DISP3: variants seen among roughly 807,000 people sequenced by gnomAD.
The protein encoded by DISP3 is protein dispatched homolog 3.
A neutral mutation model predicts 135.3 loss-of-function variants in DISP3; 101 were observed. That is an observed-to-expected ratio of 0.75 (90% CI 0.64 to 0.88). The LOEUF is 0.88. Ranked by LOEUF, DISP3 falls within the 40% of genes least tolerant of loss-of-function variation. The pLI, the probability that DISP3 is intolerant of heterozygous loss-of-function variation, is 0.00. For synonymous variants in DISP3, 856 were observed against 817.0 expected, an observed-to-expected ratio of 1.05 and a Z score of -0.81; for missense variants, 1,713 against 1,878.6, an observed-to-expected ratio of 0.91 and a Z score of 1.63.
chr1:11,532,695 G>A, intron 17 of DISP3, among the ~76,000 whole-genome samples: 1 of 152,030 alleles, frequency 6.6e-6, no homozygotes. Flanking sequence ...ATCTTAACCG[G>A]TTTTTTTGTT....
At position 11,519,301 on chromosome 1, in the gene DISP3, T is replaced by A. The variant is rs199949410; in HGVS notation, c.1890-54T>A. On this transcript the variant is annotated intron_variant, in intron 7 of 20. Transcript: ENST00000294484. The surrounding 1 kb of genome is among the most constrained non-coding windows in gnomAD (Gnocchi z 4.3). Reference sequence around the variant, plus strand: ...TGATCCTCAGGGCCCTGCCCCACCCTCCCTGGGTACCCAGGACCCTCTGGT... The same window carrying A: ...TGATCCTCAGGGCCCTGCCCCACCCACCCTGGGTACCCAGGACCCTCTGGT... The A allele has an allele frequency of 1.2e-3, 1,877 of 1,526,278 alleles. 1 individual carries two copies. Among genetic ancestry groups the A allele is most frequent in the Admixed American group, 1.8e-3 (105 of 57,984 alleles). The allele number at this position is 1,526,278 out of a possible 1,614,324, so 94.5% of individuals were successfully genotyped here.
rs193004306 is a variant in DISP3 at position 11,524,165 on chromosome 1, G to A, written c.2476+110G>A. ...TGGATTCTCCTTCAAGAAGGAGATTGTGTGTTCCTGGTCACTGCAGAGGAG... is the reference window on the plus strand; with the variant it reads ...TGGATTCTCCTTCAAGAAGGAGATTATGTGTTCCTGGTCACTGCAGAGGAG... On this transcript the variant is annotated intron_variant, in intron 11 of 20. Coordinates refer to ENST00000294484, the MANE Select transcript of DISP3 (RefSeq NM_020780.2). The A allele has an allele frequency of 2.4e-5, 20 of 843,010 alleles. No homozygotes were observed. In the East Asian group the frequency reaches 4.7e-4, roughly 20 times the overall value. 52.2% of individuals were successfully genotyped at this position (843,010 alleles called of 1,614,324 possible).
In DISP3 at chr1:11,536,734, G is replaced by A. The variant is rs577880150; in HGVS notation, c.*48G>A. ...TGCACCTTTGGTCCCATGGGTGGGG[G>A]ACAGGAGCTGCTTCCCAGCTCGACT... On this transcript the variant is annotated 3_prime_UTR_variant, in exon 21 of 21. Coordinates refer to ENST00000294484, the MANE Select transcript of DISP3 (RefSeq NM_020780.2). This position sits in a 1 kb window ranked among gnomAD's most constrained non-coding sequence, Gnocchi z 4.3. 2.0e-6 allele frequency: 3 copies of A among 1,465,834 alleles called. No homozygotes were observed. The highest frequency in any genetic ancestry group is 2.7e-6 in the Non-Finnish European group (3 of 1,112,362). The allele number at this position is 1,465,834 out of a possible 1,614,324, so 90.8% of individuals were successfully genotyped here. A position where few individuals can be genotyped will look rare whatever the true frequency, so the allele number is the denominator to read the frequency against.
intron 2 of DISP3, 24 bp downstream of exon 2, chr1:11,502,112 G>C: frequency 1.3e-6 from 2 of 1,532,752 alleles, no homozygotes; most frequent in Admixed American, 2.1e-5. Context: ...ATGCTGGGAG[G>C]GGGCGTAGGT....
chr1:11,493,903 TTA>T (rs1641258419), intron 1 of DISP3, among the ~76,000 whole-genome samples: 3 of 152,188 alleles, frequency 2.0e-5, no homozygotes, highest in Admixed American at 2.0e-4. Context: ...GAGACTTCCT[TTA>T]CATCATGCCC....
At chr1:11,513,995 G>C (rs1641930300) in intron 3 of DISP3, among the ~76,000 whole-genome samples, 1 of 151,428 alleles carries the variant, frequency 6.6e-6, no homozygotes, top group Non-Finnish European at 1.5e-5. Context: ...AGGACACATT[G>C]AATAGCAGTG....
chr1:11,533,313 T>G (rs911289779), intron 17 of DISP3, among the ~76,000 whole-genome samples: 2 of 150,414 alleles, frequency 1.3e-5, no homozygotes, highest in Non-Finnish European at 1.5e-5. Context: ...TGGAGTGCAG[T>G]TGCGCAATCT....
intron 1 of DISP3, among the ~76,000 whole-genome samples, chr1:11,480,676 T>TACACAC (rs1640876397): frequency 1.4e-4 from 7 of 49,606 alleles, no homozygotes; most frequent in African/African-American, 6.2e-4. Context: ...AGCGCGCGCG[T>TACACAC]GCACACACAC....
chr1:11,480,454 C>T (rs990189576), intron 1 of DISP3, among the ~76,000 whole-genome samples: 2 of 152,152 alleles, frequency 1.3e-5, no homozygotes, highest in African/African-American at 2.4e-5. Context: ...CGCAGACCCA[C>T]GGTTCACACG....
chr1:11,481,038 TTC>T (rs368929945), intron 1 of DISP3, among the ~76,000 whole-genome samples: 203 of 128,906 alleles, frequency 1.6e-3, no homozygotes, highest in Middle Eastern at 4.4e-3. Context: ...TCCCCCAGGT[TTC>T]TCTCTCTCTC....
chr1:11,524,053 AG>A lies in DISP3; in HGVS notation c.2476+1del. The A allele has an allele frequency of 6.2e-7, 1 of 1,603,858 alleles. No homozygotes were observed. The highest frequency in any genetic ancestry group is 8.5e-7 in the Non-Finnish European group (1 of 1,171,594). On this transcript the variant is annotated frameshift_variant and splice_region_variant, in exon 11 of 21. Transcript: ENST00000294484. LOFTEE classifies it high-confidence loss of function. Reference sequence around the variant, plus strand: ...GCTAGCCGGCCTGAGGCCACCCTGCAGGGTGAGCACTGGGGGTGGAGGGTGG... The same window carrying A: ...GCTAGCCGGCCTGAGGCCACCCTGCAGGTGAGCACTGGGGGTGGAGGGTGG... ...PWASRPEATL[Q>X]DFPGTVYISK...
Position 11,531,518 on chromosome 1 carries a change from G to C in DISP3, c.3230-47G>C. ...GCACAGGTGTGATGCAGGGGGACAG[G>C]CTCTTCCAGGGCCACCACGCACTCC... On this transcript the variant is annotated intron_variant, in intron 16 of 20. Transcript: ENST00000294484. The surrounding 1 kb of genome is among the most constrained non-coding windows in gnomAD (Gnocchi z 5.2). 6.2e-7 allele frequency: 1 copy of C among 1,612,394 alleles called. No individual in the cohort carries two copies. Among genetic ancestry groups the C allele is most frequent in the Non-Finnish European group, 8.5e-7 (1 of 1,179,512 alleles).
intron 20 of DISP3, 21 bp downstream of exon 20, chr1:11,535,665 A>G: frequency 6.2e-7 from 1 of 1,600,662 alleles, no homozygotes; most frequent in Non-Finnish European, 8.5e-7. Flanking sequence ...TGCCCGCCTT[A>G]CCCACTTCCC....
intron 10 of DISP3, among the ~76,000 whole-genome samples, chr1:11,523,193 G>T (rs1362661179): frequency 2.0e-5 from 3 of 152,232 alleles, no homozygotes; most frequent in East Asian, 3.9e-4. Context: ...CCTCAGGATG[G>T]CTGTGAGGAT....
intron 1 of DISP3, among the ~76,000 whole-genome samples, chr1:11,480,683 A>G (rs1470336899): frequency 2.3e-3 from 142 of 61,246 alleles, no homozygotes; most frequent in African/African-American, 8.5e-3. Context: ...GCGTGCACAC[A>G]CACACACACA....
At chr1:11,495,944 A>G (rs949114379) in intron 1 of DISP3, among the ~76,000 whole-genome samples, 33 of 152,218 alleles carry the variant, frequency 2.2e-4, no homozygotes, top group African/African-American at 8.0e-4. Flanking sequence ...ATACACACAT[A>G]TTCTATTTTT....
rs1642120573 is a variant in DISP3, at chr1:11,519,675, G to C, written c.2039-44G>C. On this transcript the variant is annotated intron_variant, in intron 8 of 20. Coordinates refer to ENST00000294484, the MANE Select transcript of DISP3 (RefSeq NM_020780.2). This position sits in a 1 kb window ranked among gnomAD's most constrained non-coding sequence, Gnocchi z 4.3. ...CTGGAAGCGAGCGTGGACCACAGTG[G>C]GCTTTGATTCAGGCTCTGACGGGCC... The C allele has an allele frequency of 6.3e-7, 1 of 1,597,570 alleles. No homozygotes were observed.
intron 1 of DISP3, among the ~76,000 whole-genome samples, chr1:11,494,820 T>A (rs11804011): frequency 0.034 from 5,105 of 152,322 alleles, 256 homozygotes; most frequent in African/African-American, 0.12. Flanking sequence ...GTGATTTTTT[T>A]ATTACATTTT....
At position 11,536,043 on chromosome 1, in the gene DISP3, C is replaced by T. The variant is rs1490790601; in HGVS notation, c.3817-281C>T. Among the ~76,000 whole-genome samples the T allele has an allele frequency of 1.3e-5, 2 of 152,156 alleles. No individual in the cohort carries two copies. The highest frequency in any genetic ancestry group is 1.9e-4 in the East Asian group (1 of 5,194). On this transcript the variant is annotated intron_variant, in intron 20 of 20. Coordinates refer to ENST00000294484, the MANE Select transcript of DISP3 (RefSeq NM_020780.2). This position sits in a 1 kb window ranked among gnomAD's most constrained non-coding sequence, Gnocchi z 4.3. Reference sequence around the variant, plus strand: ...CCAAAACCGGCTCTGGGCCTAGTAACGATTTTTTTCTTTAGTTTGGAATTG... The same window carrying T: ...CCAAAACCGGCTCTGGGCCTAGTAATGATTTTTTTCTTTAGTTTGGAATTG...
Sources: gnomAD v4.1 joint callset for allele counts (sites outside exome capture counted in the v4.1 genomes callset) on GRCh38, gnomAD v4.1.1 for gene constraint, Gnocchi (gnomAD v3.1) non-coding constraint, MANE v1.5 for transcripts, NCBI Gene and HGNC (gene_info 2026-07-23, HGNC 2026-07-21) for gene names.